ATXN7: variants seen among roughly 807,000 people sequenced by gnomAD.
The protein encoded by ATXN7 is ataxin 7.
In ATXN7, 12 loss-of-function variants were observed where a neutral mutation model predicts 70.5. That is an observed-to-expected ratio of 0.17 (90% CI 0.11 to 0.28). ATXN7 has a LOEUF of 0.28. ATXN7 is among the 10% of genes least tolerant of loss of function. ATXN7 has a pLI of 1.00. For missense variants in ATXN7, 1,256 were observed against 1,131.7 expected (o/e 1.11, Z -1.58); for synonymous variants, 498 against 448.7 (o/e 1.11, Z -1.39).
Position 63,912,588 on chromosome 3 carries a change from G to T in ATXN7, c.-11G>T. 1 of 1,110,728 alleles carries T rather than the reference G, an allele frequency of 9.0e-7. No individual in the cohort carries two copies. Among genetic ancestry groups the T allele is most frequent in the Non-Finnish European group, 1.1e-6 (1 of 897,774 alleles). The allele number at this position is 1,110,728 out of a possible 1,614,324, so 68.8% of individuals were successfully genotyped here. ...CCCCCTTTTTTTTGTTACATTGTAG[G>T]AGCGGAAAGAATGTCGGAGCGGGCC... On this transcript the variant is annotated splice_region_variant and 5_prime_UTR_variant, in exon 3 of 13. Coordinates refer to ENST00000674280, the MANE Select transcript of ATXN7 (RefSeq NM_001377405.1).
chr3:63,883,147 A>G (rs944737400), intron 1 of ATXN7, among the ~76,000 whole-genome samples: 1 of 152,084 alleles, frequency 6.6e-6, no homozygotes, highest in African/African-American at 2.4e-5. Flanking sequence ...AGGGCCCTTA[A>G]TTTTTTCTCA....
intron 5 of ATXN7, among the ~76,000 whole-genome samples, chr3:63,957,764 T>C (rs1056501818): frequency 6.6e-6 from 1 of 152,196 alleles, no homozygotes; most frequent in Non-Finnish European, 1.5e-5. Context: ...TGTCATTTGA[T>C]GTTATTAATA....
intron 1 of ATXN7, among the ~76,000 whole-genome samples, chr3:63,896,751 T>G (rs1703460384): frequency 6.6e-6 from 1 of 152,244 alleles, no homozygotes; most frequent in African/African-American, 2.4e-5. Flanking sequence ...ACTGCAACTA[T>G]CATTTTTCTC....
intron 8 of ATXN7, among the ~76,000 whole-genome samples, chr3:63,985,236 A>G (rs547630177): frequency 4.1e-4 from 62 of 152,148 alleles, no homozygotes; most frequent in African/African-American, 1.4e-3. Context: ...TGCTAGGTGG[A>G]GTGACTTTGA....
intron 4 of ATXN7, among the ~76,000 whole-genome samples, chr3:63,940,079 A>T: frequency 6.6e-6 from 1 of 152,114 alleles, no homozygotes; most frequent in East Asian, 1.9e-4. Flanking sequence ...GGGGAATGAG[A>T]TGTCAGTTGG....
At chr3:63,896,139 G>T (rs1703439272) in intron 1 of ATXN7, among the ~76,000 whole-genome samples, 2 of 151,884 alleles carry the variant, frequency 1.3e-5, no homozygotes, top group South Asian at 4.2e-4. Flanking sequence ...TAGAAAAAAG[G>T]GTCAACATAG....
At chr3:63,905,016 G>C (rs553603713) in intron 2 of ATXN7, 1 of 151,974 alleles carries the variant, frequency 6.6e-6, no homozygotes, top group African/African-American at 2.4e-5. Flanking sequence ...TTTTGTTGTT[G>C]TTGTTAATTT....
At chr3:63,949,204 C>T (rs1010255157) in intron 4 of ATXN7, among the ~76,000 whole-genome samples, 4 of 151,060 alleles carry the variant, frequency 2.6e-5, no homozygotes, top group Non-Finnish European at 2.9e-5. Flanking sequence ...CACTCTGTTC[C>T]TGTTGCTAAG....
Position 63,982,347 on chromosome 3 carries a change from A to G in ATXN7, c.914A>G (p.Gln305Arg). Reference protein sequence around the residue: ...IPKPTLPSPGQILNGKGLPAP... With the variant: ...IPKPTLPSPGRILNGKGLPAP... ...AAGCCAACCTTGCCTTCACCTGGAC[A>G]GATTCTGAATGGCAAAGGGCTTCCT... The change falls in exon 7 of 13, where the codon CAG becomes CGG. Residue 305 changes from glutamine to arginine, a missense_variant. Coordinates refer to ENST00000674280, the MANE Select transcript of ATXN7 (RefSeq NM_001377405.1). The G allele has an allele frequency of 6.2e-7, 1 of 1,614,204 alleles. No individual in the cohort carries two copies. Among genetic ancestry groups the G allele is most frequent in the East Asian group, 2.2e-5 (1 of 44,888 alleles).
At chr3:63,981,043 A>G (rs1049340698) in intron 6 of ATXN7, among the ~76,000 whole-genome samples, 1 of 152,166 alleles carries the variant, frequency 6.6e-6, no homozygotes, top group Admixed American at 6.5e-5. Flanking sequence ...CTGGTGACGG[A>G]TGGCTTTTCT....
intron 9 of ATXN7, 105 bp from the exon 10 acceptor site, chr3:63,990,071 C>T: frequency 1.8e-6 from 2 of 1,118,092 alleles, no homozygotes; most frequent in Admixed American, 2.1e-5. Context: ...AGAGGTGGAA[C>T]CCAGGCCTCT....
chr3:63,890,675 T>A (rs1457878180), intron 1 of ATXN7, among the ~76,000 whole-genome samples: 1 of 152,262 alleles, frequency 6.6e-6, no homozygotes, highest in Non-Finnish European at 1.5e-5. Context: ...TAGCGGTTGC[T>A]GTTGGTAATG....
rs2075503947 is a variant in ATXN7 at position 63,982,386 on chromosome 3, T to A, written c.953T>A (p.Leu318Gln). The A allele has an allele frequency of 1.2e-6, 2 of 1,613,708 alleles. No homozygotes were observed. Among genetic ancestry groups the A allele is most frequent in the Admixed American group, 1.7e-5 (1 of 59,978 alleles). ...NGKGLPAPPT[L>Q]EKKPEDNSNN... ...AAAGGGCTTCCTGCACCGCCCACTC[T>A]GGAAAAGAAACCTGAAGACAATTCC... The change falls in exon 7 of 13, where the codon CTG (leucine) becomes CAG (glutamine). Residue 318 changes from leucine to glutamine, a missense_variant. Transcript: ENST00000674280.
At chr3:63,962,908 C>CTATTTTTTTTTTTTTTTTT (rs1553691654) in intron 5 of ATXN7, among the ~76,000 whole-genome samples, 1 of 136,344 alleles carries the variant, frequency 7.3e-6, no homozygotes. Flanking sequence ...TTTTGTATTT[C>CTATTTTTTTTTTTTTTTTT]TTTTTTTTTT....
chr3:63,988,839 A>C (rs1161248800), intron 9 of ATXN7, among the ~76,000 whole-genome samples: 1 of 152,216 alleles, frequency 6.6e-6, no homozygotes, highest in Non-Finnish European at 1.5e-5. Context: ...GAGTGTTTTA[A>C]TGAGAACTTA....
In ATXN7 at chr3:64,001,150, T is replaced by A. The variant is rs2075828969; in HGVS notation, c.*1683T>A. The A allele has an allele frequency of 6.6e-6, 1 of 152,176 alleles. No homozygotes were observed. Among genetic ancestry groups the A allele is most frequent in the Admixed American group, 6.5e-5 (1 of 15,280 alleles). The allele number at this position is 152,176 out of a possible 1,614,324, so 9.4% of individuals were successfully genotyped here. A position where few individuals can be genotyped will look rare whatever the true frequency, so the allele number is the denominator to read the frequency against. On this transcript the variant is annotated 3_prime_UTR_variant, in exon 13 of 13. Transcript: ENST00000674280. Reference sequence around the variant, plus strand: ...TTACCAGCCTAATAATGTGAATTGCTACAGAATTATTCTTATTATGTAAGA... The same window carrying A: ...TTACCAGCCTAATAATGTGAATTGCAACAGAATTATTCTTATTATGTAAGA...
intron 5 of ATXN7, among the ~76,000 whole-genome samples, chr3:63,957,509 T>G (rs2075059709): frequency 6.6e-6 from 1 of 152,226 alleles, no homozygotes; most frequent in Non-Finnish European, 1.5e-5. Flanking sequence ...AAGGAAAATC[T>G]TAGTAGAACA....
At chr3:63,918,996 C>T (rs768037063) in intron 4 of ATXN7, among the ~76,000 whole-genome samples, 1 of 151,870 alleles carries the variant, frequency 6.6e-6, no homozygotes, top group Non-Finnish European at 1.5e-5. Flanking sequence ...TCCTTGTAAG[C>T]TCTTCACTAA....
Position 64,002,216 on chromosome 3 carries a change from T to C in ATXN7, c.*2749T>C, listed in dbSNP as rs572145490. 6.5e-6 allele frequency: 1 copy of C among 152,756 alleles called. No homozygotes were observed. Among genetic ancestry groups the C allele is most frequent in the South Asian group, 2.1e-4 (1 of 4,820 alleles). 9.5% of individuals were successfully genotyped at this position (152,756 alleles called of 1,614,324 possible). A position where few individuals can be genotyped will look rare whatever the true frequency, so the allele number is the denominator to read the frequency against. ...TCCTGTTTTGGTACAATTGAGATCATCTAGTATTTATTTATTAATTAATAA... is the reference window on the plus strand; with the variant it reads ...TCCTGTTTTGGTACAATTGAGATCACCTAGTATTTATTTATTAATTAATAA... On this transcript the variant is annotated 3_prime_UTR_variant, in exon 13 of 13. Coordinates refer to ENST00000674280, the MANE Select transcript of ATXN7 (RefSeq NM_001377405.1).
Sources: allele counts gnomAD v4.1 joint callset (sites outside exome capture counted in the v4.1 genomes callset), GRCh38; gene constraint gnomAD v4.1.1; transcripts MANE v1.5; gene names NCBI Gene and HGNC (gene_info 2026-07-23, HGNC 2026-07-21).